HS6ST1: variants seen among roughly 807,000 people sequenced by gnomAD.
HS6ST1 encodes heparan sulfate 6-O-sulfotransferase 1.
In HS6ST1, 3 loss-of-function variants were observed where a neutral mutation model predicts 25.2. That is an observed-to-expected ratio of 0.12 (90% CI 0.05 to 0.31). The LOEUF (loss-of-function observed/expected upper bound fraction) is 0.31, where lower values mean the gene tolerates loss of function less well. Among genes scored for constraint, HS6ST1 ranks in the 10% least tolerant of loss-of-function variants. HS6ST1 has a pLI of 1.00. For missense variants in HS6ST1, 310 were observed against 609.6 expected (o/e 0.51, Z 5.18); for synonymous variants, 204 against 275.1 (o/e 0.74, Z 2.56).
At chr2:128,283,678 TC>T (rs1693819825) in intron 1 of HS6ST1, among the ~76,000 whole-genome samples, 1 of 152,052 alleles carries the variant, frequency 6.6e-6, no homozygotes. Context: ...CGCTCCTCCC[TC>T]CCCCATTATA....
At chr2:128,279,205 G>T (rs1693742354) in intron 1 of HS6ST1, among the ~76,000 whole-genome samples, 1 of 152,056 alleles carries the variant, frequency 6.6e-6, no homozygotes, top group Non-Finnish European at 1.5e-5. Context: ...TGAAACAAGG[G>T]TCTAACCCAC....
rs1693518896 is a variant in HS6ST1 at position 128,266,611 on chromosome 2, G to A, written c.*1551C>T. ...TGGTGACCCACGTCTCCACCCCATG[G>A]TGTGGCAACTGTGGTGGCTGAGTGG... On this transcript the variant is annotated 3_prime_UTR_variant, in exon 2 of 2. Transcript: ENST00000259241. 6.6e-6 allele frequency: 1 copy of A among 152,334 alleles called. No individual in the cohort carries two copies. Among genetic ancestry groups the A allele is most frequent in the Admixed American group, 6.5e-5 (1 of 15,286 alleles). 9.4% of individuals were successfully genotyped at this position (152,334 alleles called of 1,614,324 possible). A position where few individuals can be genotyped will look rare whatever the true frequency, so the allele number is the denominator to read the frequency against.
intron 1 of HS6ST1, among the ~76,000 whole-genome samples, chr2:128,312,875 C>T (rs1018745487): frequency 5.9e-5 from 9 of 152,168 alleles, no homozygotes; most frequent in African/African-American, 1.9e-4. Flanking sequence ...GCCTGGCCAA[C>T]ATGGTGAAAC....
intron 1 of HS6ST1, among the ~76,000 whole-genome samples, chr2:128,295,571 A>T (rs1694028820): frequency 6.6e-6 from 1 of 152,268 alleles, no homozygotes; most frequent in East Asian, 1.9e-4. Context: ...AGATATAACA[A>T]GAAAATTACA....
chr2:128,268,109 C>T lies in HS6ST1; in HGVS notation c.*53G>A. On this transcript the variant is annotated 3_prime_UTR_variant, in exon 2 of 2. Transcript: ENST00000259241. ...AGTCTTGGGTGGACCTGTCGTCTGTCCTGTTTTATCCCCCACACCCCCCAA... is the reference window on the plus strand; with the variant it reads ...AGTCTTGGGTGGACCTGTCGTCTGTTCTGTTTTATCCCCCACACCCCCCAA... 7.7e-7 allele frequency: 1 copy of T among 1,305,438 alleles called. No homozygotes were observed. The highest frequency in any genetic ancestry group is 1.1e-6 in the Non-Finnish European group (1 of 927,330). The allele number at this position is 1,305,438 out of a possible 1,614,324, so 80.9% of individuals were successfully genotyped here.
Position 128,268,026 on chromosome 2 carries a change from T to C in HS6ST1, c.*136A>G, listed in dbSNP as rs1443623854. The stretch of plus-strand genomic sequence containing the variant: ...CCAGCCCCACTACATCCCTGCTCTG[T>C]TTTTTTTCAGGACGCAGCTACCTCT... On this transcript the variant is annotated 3_prime_UTR_variant, in exon 2 of 2. Transcript: ENST00000259241. 2 of 589,280 alleles carry C rather than the reference T, an allele frequency of 3.4e-6. No individual in the cohort carries two copies. Among genetic ancestry groups the C allele is most frequent in the Non-Finnish European group, 5.7e-6 (2 of 349,768 alleles). The allele number at this position is 589,280 out of a possible 1,614,324, so 36.5% of individuals were successfully genotyped here. A position where few individuals can be genotyped will look rare whatever the true frequency, so the allele number is the denominator to read the frequency against.
chr2:128,293,734 G>C (rs547240936), intron 1 of HS6ST1, among the ~76,000 whole-genome samples: 2 of 152,322 alleles, frequency 1.3e-5, no homozygotes, highest in Non-Finnish European at 2.9e-5. Context: ...GAAGGAAGGC[G>C]AGTTACATTT....
At position 128,266,879 on chromosome 2, in the gene HS6ST1, A is replaced by T. The variant is rs1425856105; in HGVS notation, c.*1283T>A. 2 of 152,064 alleles carry T rather than the reference A, an allele frequency of 1.3e-5. No individual in the cohort carries two copies. The highest frequency in any genetic ancestry group is 2.4e-5 in the African/African-American group (1 of 41,310). The allele number at this position is 152,064 out of a possible 1,614,324, so 9.4% of individuals were successfully genotyped here. On this transcript the variant is annotated 3_prime_UTR_variant, in exon 2 of 2. Coordinates refer to ENST00000259241, the MANE Select transcript of HS6ST1 (RefSeq NM_004807.3). Reference sequence around the variant, plus strand: ...ACATGGCTTTTGGTAGGGCCATTGCAGCCAGTGGGGAAACCTGCGCGGCTG... The same window carrying T: ...ACATGGCTTTTGGTAGGGCCATTGCTGCCAGTGGGGAAACCTGCGCGGCTG...
intron 1 of HS6ST1, among the ~76,000 whole-genome samples, chr2:128,275,027 C>A (rs1309053850): frequency 2.1e-5 from 3 of 142,184 alleles, no homozygotes; most frequent in Non-Finnish European, 4.5e-5. Flanking sequence ...GATGGCCTGA[C>A]ACAACTGAGC....
intron 1 of HS6ST1, among the ~76,000 whole-genome samples, chr2:128,291,876 T>C (rs1414872601): frequency 2.0e-5 from 3 of 152,336 alleles, no homozygotes; most frequent in East Asian, 3.9e-4. Context: ...GGCTTCCCTA[T>C]AGGTGCTTCT....
intron 1 of HS6ST1, among the ~76,000 whole-genome samples, chr2:128,290,385 C>T (rs570114998): frequency 6.6e-6 from 1 of 152,176 alleles, no homozygotes; most frequent in African/African-American, 2.4e-5. Context: ...TGGACAAATG[C>T]ACAAGAGAGG....
intron 1 of HS6ST1, among the ~76,000 whole-genome samples, chr2:128,271,850 C>T (rs1009944596): frequency 2.6e-5 from 4 of 152,196 alleles, no homozygotes; most frequent in African/African-American, 4.8e-5. Context: ...CTGACCACAC[C>T]GTGGGTCTTG....
intron 1 of HS6ST1, among the ~76,000 whole-genome samples, chr2:128,274,963 CAAAAAAAAAAAA>C (rs56898137): frequency 2.0e-5 from 1 of 51,216 alleles, no homozygotes; most frequent in Admixed American, 2.6e-4. Context: ...GACTCCGTCT[CAAAAAAAAAAAA>C]AAAAAAAAAA....
At chr2:128,297,845 C>T (rs1694063244) in intron 1 of HS6ST1, among the ~76,000 whole-genome samples, 1 of 152,034 alleles carries the variant, frequency 6.6e-6, no homozygotes, top group Non-Finnish European at 1.5e-5. Flanking sequence ...AAAAACAAAA[C>T]AAAACAAAAA....
At chr2:128,302,772 C>T (rs1294178424) in intron 1 of HS6ST1, among the ~76,000 whole-genome samples, 1 of 152,218 alleles carries the variant, frequency 6.6e-6, no homozygotes, top group Admixed American at 6.5e-5. Flanking sequence ...GTCTTCCATT[C>T]CAACGGCTCT....
intron 1 of HS6ST1, among the ~76,000 whole-genome samples, chr2:128,305,619 T>C (rs1694197503): frequency 6.6e-6 from 1 of 152,240 alleles, no homozygotes; most frequent in Admixed American, 6.5e-5. Flanking sequence ...ACTCTCACTC[T>C]GGGGCCTACC....
chr2:128,307,732 C>A (rs1346400152), intron 1 of HS6ST1, among the ~76,000 whole-genome samples: 1 of 152,176 alleles, frequency 6.6e-6, no homozygotes, highest in African/African-American at 2.4e-5. Flanking sequence ...TTTCCTGGCT[C>A]CTGGCCTGGC....
chr2:128,294,278 C>T (rs766824409), intron 1 of HS6ST1, among the ~76,000 whole-genome samples: 1 of 152,208 alleles, frequency 6.6e-6, no homozygotes, highest in African/African-American at 2.4e-5. Flanking sequence ...TTCACTGACT[C>T]TACTGCATCA....
chr2:128,293,195 C>A (rs546993996), intron 1 of HS6ST1, among the ~76,000 whole-genome samples: 1 of 152,242 alleles, frequency 6.6e-6, no homozygotes, highest in Non-Finnish European at 1.5e-5. Flanking sequence ...CTGTCTCCTG[C>A]GGAAGGGCAC....
Sources: allele counts gnomAD v4.1 joint callset (sites outside exome capture counted in the v4.1 genomes callset), GRCh38; gene constraint gnomAD v4.1.1; transcripts MANE v1.5; gene names NCBI Gene and HGNC (gene_info 2026-07-23, HGNC 2026-07-21).